The following PLCH1 variants were observed in gnomAD, a reference collection of about 807,000 sequenced individuals.
The protein encoded by PLCH1 is 1-phosphatidylinositol 4,5-bisphosphate phosphodiesterase eta-1.
In PLCH1, 60 loss-of-function variants were observed where a neutral mutation model predicts 126.7. That is an observed-to-expected ratio of 0.47 (90% CI 0.38 to 0.59). PLCH1 has a LOEUF of 0.59. PLCH1 is among the 20% of genes least tolerant of loss of function. The pLI is 0.00. For synonymous variants in PLCH1, 719 were observed against 734.9 expected, an observed-to-expected ratio of 0.98 and a Z score of 0.35; for missense variants, 1,723 against 2,040.0, an observed-to-expected ratio of 0.84 and a Z score of 2.99.
At chr3:155,474,941 G>T (rs1414264181), downstream of PLCH1, among the ~76,000 whole-genome samples, 4 of 109,780 alleles carry the variant, frequency 3.6e-5, no homozygotes, top group African/African-American at 1.4e-4. Context: ...GTGGGGGGAG[G>T]GGGGAGGGAT....
intron 20 of PLCH1, 134 bp downstream of exon 20, chr3:155,488,526 T>C (rs1715652842): frequency 2.4e-6 from 2 of 817,448 alleles, no homozygotes; most frequent in South Asian, 3.8e-5. Context: ...TTTACAAAGT[T>C]TGTTAAAAGT....
intron 21 of PLCH1, among the ~76,000 whole-genome samples, chr3:155,468,855 C>G (rs1481631843): frequency 2.0e-5 from 3 of 152,082 alleles, no homozygotes. Flanking sequence ...CAGCATTAGA[C>G]AGATCTTCCA....
At chr3:155,637,553 T>C (rs1041469239) in intron 2 of PLCH1, among the ~76,000 whole-genome samples, 5 of 152,248 alleles carry the variant, frequency 3.3e-5, no homozygotes, top group African/African-American at 1.2e-4. Flanking sequence ...AAATATTACC[T>C]ACATTCAATT....
At chr3:155,695,656 G>C (rs402201) in intron 2 of PLCH1, among the ~76,000 whole-genome samples, 60,761 of 152,182 alleles carry the variant, frequency 0.4, 12,903 homozygotes, top group East Asian at 0.53. Context: ...AGAAATGAAA[G>C]TAGTAATCAC....
In PLCH1 at chr3:155,571,790, C is replaced by A. The variant is rs1042485923; in HGVS notation, c.772-3466G>T. On this transcript the variant is annotated intron_variant, in intron 6 of 22. Coordinates refer to ENST00000460012, the MANE Select transcript of PLCH1 (RefSeq NM_014996.4). The stretch of plus-strand genomic sequence containing the variant: ...TACTGTGTTAGATATTAAGTTAGAT[C>A]TTTAACATAATAATAAGATCTTCTG... Among the ~76,000 whole-genome samples the A allele has an allele frequency of 6.6e-5, 10 of 152,340 alleles. No individual in the cohort carries two copies. The South Asian group carries it at 8.3e-4, about 13-fold the overall frequency.
intron 2 of PLCH1, among the ~76,000 whole-genome samples, chr3:155,649,841 G>A (rs191862473): frequency 8.5e-5 from 13 of 152,240 alleles, no homozygotes; most frequent in East Asian, 7.7e-4. Context: ...AGCCAGGCGC[G>A]GTGATGGGCG....
rs1330108584 is a variant in PLCH1, at chr3:155,494,322, C to A, written c.2074+16G>T. On this transcript the variant is annotated intron_variant, in intron 16 of 22. Transcript: ENST00000460012. Reference sequence around the variant, plus strand: ...GAGAATATACAGAGAACCACTCCTTCCCAAGGAATACACACCTAGCTGGCA... The same window carrying A: ...GAGAATATACAGAGAACCACTCCTTACCAAGGAATACACACCTAGCTGGCA... 3 of 1,613,664 alleles carry A rather than the reference C, an allele frequency of 1.9e-6. No individual in the cohort carries two copies. Among genetic ancestry groups the A allele is most frequent in the Non-Finnish European group, 2.5e-6 (3 of 1,179,704 alleles).
At chr3:155,649,947 C>A (rs1740517023) in intron 2 of PLCH1, among the ~76,000 whole-genome samples, 1 of 151,978 alleles carries the variant, frequency 6.6e-6, no homozygotes, top group Non-Finnish European at 1.5e-5. Context: ...CACTGCACTC[C>A]AGCCTGGGCG....
chr3:155,620,263 T>C (rs146774620), intron 2 of PLCH1, among the ~76,000 whole-genome samples: 71 of 152,282 alleles, frequency 4.7e-4, no homozygotes, highest in Middle Eastern at 3.4e-3. Flanking sequence ...ACTATAACCC[T>C]CTGCATAAAA....
At position 155,588,287 on chromosome 3, in the gene PLCH1, T is replaced by C. The variant is rs529523752; in HGVS notation, c.471-2093A>G. On this transcript the variant is annotated intron_variant, in intron 4 of 22. Coordinates refer to ENST00000460012, the MANE Select transcript of PLCH1 (RefSeq NM_014996.4). ...AGACTTGTCAGGACCTCATTTTATA[T>C]GACCCCTGGAAGTTAAGGGAGGTCC... Among the ~76,000 whole-genome samples, 6 of 152,290 alleles carry C rather than the reference T, an allele frequency of 3.9e-5. No homozygotes were observed. In the East Asian group the frequency reaches 5.8e-4, roughly 15 times the overall value.
At chr3:155,691,421 T>C (rs1192657205) in intron 2 of PLCH1, among the ~76,000 whole-genome samples, 1 of 152,204 alleles carries the variant, frequency 6.6e-6, no homozygotes, top group Non-Finnish European at 1.5e-5. Flanking sequence ...CTCTTTGTGT[T>C]CCCCTTAAGA....
intron 2 of PLCH1, among the ~76,000 whole-genome samples, chr3:155,608,700 ACC>A (rs1411163007): frequency 4.6e-5 from 7 of 151,892 alleles, no homozygotes; most frequent in Non-Finnish European, 1.0e-4. Flanking sequence ...AGCAACTCCC[ACC>A]CAAGGAGAGT....
intron 2 of PLCH1, among the ~76,000 whole-genome samples, chr3:155,673,048 CTTTTTTTTT>C (rs66672315): frequency 1.0e-4 from 7 of 68,224 alleles, no homozygotes; most frequent in Admixed American, 3.6e-4. Context: ...CTTCTGTTGC[CTTTTTTTTT>C]TTTTTTTTTT....
At chr3:155,556,020 G>A (rs539281615) in intron 8 of PLCH1, among the ~76,000 whole-genome samples, 5 of 152,312 alleles carry the variant, frequency 3.3e-5, no homozygotes, top group East Asian at 3.8e-4. Context: ...TTTTATTGCT[G>A]TGAATTTTCC....
At chr3:155,585,995 T>C in intron 5 of PLCH1, 70 bp downstream of exon 5, 1 of 1,375,440 alleles carries the variant, frequency 7.3e-7, no homozygotes, top group Non-Finnish European at 1.0e-6. Flanking sequence ...AAATAGCTTT[T>C]TAATATACCT....
chr3:155,626,201 GGGGGCA>G (rs60635204), intron 2 of PLCH1, among the ~76,000 whole-genome samples: 73,422 of 151,374 alleles, frequency 0.49, 20,163 homozygotes, highest in African/African-American at 0.74. Context: ...ACAGTGGGGT[GGGGGCA>G]TCACAAAAAA....
intron 21 of PLCH1, among the ~76,000 whole-genome samples, chr3:155,486,749 C>G (rs1047755852): frequency 6.6e-6 from 1 of 151,892 alleles, no homozygotes; most frequent in Non-Finnish European, 1.5e-5. Context: ...TGGTCTCGAT[C>G]TCCTGACCTC....
chr3:155,628,309 C>T (rs1351140952), intron 2 of PLCH1, among the ~76,000 whole-genome samples: 1 of 133,832 alleles, frequency 7.5e-6, no homozygotes, highest in East Asian at 2.3e-4. Flanking sequence ...CTTCCTGTAA[C>T]ATAGGATGTA....
At chr3:155,617,331 T>C (rs6802475) in intron 2 of PLCH1, among the ~76,000 whole-genome samples, 73,730 of 151,744 alleles carry the variant, frequency 0.49, 20,294 homozygotes, top group African/African-American at 0.74. Context: ...AGAGAAAAAA[T>C]CTTCCAAGAT....
Sources: allele counts gnomAD v4.1 joint callset (sites outside exome capture counted in the v4.1 genomes callset), GRCh38; gene constraint gnomAD v4.1.1; transcripts MANE v1.5; gene names NCBI Gene and HGNC (gene_info 2026-07-23, HGNC 2026-07-21).